PLCL1: variants seen among roughly 807,000 people sequenced by gnomAD.
PLCL1 encodes phospholipase C like 1 (inactive).
PLCL1 carries 41 observed loss-of-function variants against 84.4 expected under a neutral mutation model. The ratio of observed to expected loss-of-function variants is 0.49; its 90% CI spans 0.38 to 0.63. PLCL1 has a LOEUF of 0.63. PLCL1 is among the 30% of genes least tolerant of loss of function. The probability of loss-of-function intolerance (pLI) is 0.00; values close to 1 mark genes in which losing one functional copy is unlikely to be tolerated. For missense variants in PLCL1, 1,206 were observed against 1,367.8 expected, an observed-to-expected ratio of 0.88 and a Z score of 1.87; for synonymous variants, 490 against 488.3, an observed-to-expected ratio of 1.00 and a Z score of -0.05.
chr2:198,105,029 C>T (rs933106521), intron 5 of PLCL1, among the ~76,000 whole-genome samples: 1 of 151,826 alleles, frequency 6.6e-6, no homozygotes, highest in Non-Finnish European at 1.5e-5. Flanking sequence ...TAATTAGATC[C>T]CACTGTCAAT....
chr2:197,973,542 T>C (rs1374242692), intron 1 of PLCL1, among the ~76,000 whole-genome samples: 1 of 152,196 alleles, frequency 6.6e-6, no homozygotes, highest in Admixed American at 6.5e-5. Flanking sequence ...CTAATTAAAA[T>C]TGAGACAGAC....
At chr2:198,132,308 A>G (rs141158588) in intron 5 of PLCL1, among the ~76,000 whole-genome samples, 11 of 152,288 alleles carry the variant, frequency 7.2e-5, no homozygotes, top group Non-Finnish European at 1.3e-4. Flanking sequence ...CTTACCTTTT[A>G]GAGCAGGGCC....
chr2:197,820,103 C>T (rs924156998), intron 1 of PLCL1, among the ~76,000 whole-genome samples: 4 of 151,904 alleles, frequency 2.6e-5, no homozygotes, highest in Admixed American at 6.6e-5. Context: ...AAGCAACCAC[C>T]GTTTATTGAG....
chr2:198,059,236 A>G (rs889199210), intron 1 of PLCL1, among the ~76,000 whole-genome samples: 7 of 152,242 alleles, frequency 4.6e-5, no homozygotes, highest in Non-Finnish European at 1.0e-4. Flanking sequence ...AAAAGGGACA[A>G]CATGACCTGA....
chr2:197,888,959 CT>C (rs1355239852), intron 1 of PLCL1, among the ~76,000 whole-genome samples: 1 of 151,942 alleles, frequency 6.6e-6, no homozygotes, highest in Non-Finnish European at 1.5e-5. Context: ...ATCTTATTTC[CT>C]TTTTCAAAAT....
At position 197,850,053 on chromosome 2, in the gene PLCL1, C is replaced by G. The variant is rs867934736; in HGVS notation, c.240+44714C>G. 3.8e-3 allele frequency among the ~76,000 whole-genome samples: 581 copies of G among 151,272 alleles called. 8 individuals carry two copies. The South Asian group carries it at 0.041, about 11-fold the overall frequency. On this transcript the variant is annotated intron_variant, in intron 1 of 5. Coordinates refer to ENST00000428675, the MANE Select transcript of PLCL1 (RefSeq NM_006226.4). The stretch of plus-strand genomic sequence containing the variant: ...ACAGACACACACACACACACACACA[C>G]ACACACACACACACACACACACACA...
intron 1 of PLCL1, among the ~76,000 whole-genome samples, chr2:197,854,020 T>G (rs939941302): frequency 1.3e-5 from 2 of 152,156 alleles, no homozygotes; most frequent in African/African-American, 2.4e-5. Context: ...CCTTGGAAGC[T>G]TTGGGGACCC....
Position 197,805,153 on chromosome 2 carries a change from G to T in PLCL1, c.54G>T (p.Gly18=), listed in dbSNP as rs1184328187. The change falls in exon 1 of 6, where the codon GGG becomes GGT. Residue 18 remains glycine, a synonymous_variant. Transcript: ENST00000428675. This position sits in a 1 kb window ranked among gnomAD's most constrained non-coding sequence, Gnocchi z 4.0. ...REDPAPPDAA[G]GEDDPRVGPD... Reference sequence around the variant, plus strand: ...ATCCGGCGCCGCCCGACGCGGCGGGGGGCGAAGACGACCCCCGAGTGGGCC... The same window carrying T: ...ATCCGGCGCCGCCCGACGCGGCGGGTGGCGAAGACGACCCCCGAGTGGGCC... 2 of 1,308,112 alleles carry T rather than the reference G, an allele frequency of 1.5e-6. No homozygotes were observed. Among genetic ancestry groups the T allele is most frequent in the East Asian group, 3.1e-5 (1 of 31,870 alleles). The allele number at this position is 1,308,112 out of a possible 1,614,324, so 81.0% of individuals were successfully genotyped here. A position where few individuals can be genotyped will look rare whatever the true frequency, so the allele number is the denominator to read the frequency against.
In PLCL1 at chr2:198,038,861, GA is replaced by G. The variant is rs1466172957; in HGVS notation, c.241-44890del. ...TTAAAGGTCAAAAAAAAAAAAAAAA[GA>G]AAAAAAGAGTTCACTCAATTTTTTA... is the stretch of plus-strand genomic sequence containing the variant. On this transcript the variant is annotated intron_variant, in intron 1 of 5. Coordinates refer to ENST00000428675, the MANE Select transcript of PLCL1 (RefSeq NM_006226.4). Among the ~76,000 whole-genome samples, 5 of 126,782 alleles carry G rather than the reference GA, an allele frequency of 3.9e-5. No homozygotes were observed. In the East Asian group the frequency reaches 6.9e-4, roughly 18 times the overall value. The allele number at this position is 126,782 out of a possible 152,430, so 83.2% of individuals were successfully genotyped here.
intron 1 of PLCL1, among the ~76,000 whole-genome samples, chr2:198,018,870 C>A (rs976290547): frequency 1.3e-5 from 2 of 152,244 alleles, no homozygotes; most frequent in Non-Finnish European, 2.9e-5. Context: ...CAGCACAGTG[C>A]TCGAGCTCTG....
At chr2:198,106,376 T>TA (rs1231946594) in intron 5 of PLCL1, among the ~76,000 whole-genome samples, 1 of 151,926 alleles carries the variant, frequency 6.6e-6, no homozygotes, top group Non-Finnish European at 1.5e-5. Context: ...GCACTGGGAA[T>TA]ACGTGGAGAA....
chr2:198,090,051 G>A (rs1168968717), intron 3 of PLCL1, among the ~76,000 whole-genome samples: 1 of 152,032 alleles, frequency 6.6e-6, no homozygotes, highest in Non-Finnish European at 1.5e-5. Flanking sequence ...AAATGCTTAC[G>A]AGTTTGATCT....
intron 1 of PLCL1, among the ~76,000 whole-genome samples, chr2:197,951,257 G>A (rs947121968): frequency 1.3e-5 from 2 of 152,124 alleles, no homozygotes; most frequent in East Asian, 1.9e-4. Context: ...TGTCTGTGCA[G>A]CCCTTCCTCC....
chr2:197,880,588 G>A (rs985833287), intron 1 of PLCL1, among the ~76,000 whole-genome samples: 1 of 152,122 alleles, frequency 6.6e-6, no homozygotes, highest in African/African-American at 2.4e-5. Context: ...TAAGGAAAAA[G>A]GCAATCTACT....
intron 1 of PLCL1, among the ~76,000 whole-genome samples, chr2:197,963,154 C>T (rs745847499): frequency 6.6e-6 from 1 of 151,988 alleles, no homozygotes. Flanking sequence ...ACCTCCAAAC[C>T]GTTCTCCATA....
intron 1 of PLCL1, among the ~76,000 whole-genome samples, chr2:198,027,391 A>C (rs1691295358): frequency 6.6e-6 from 1 of 152,130 alleles, no homozygotes; most frequent in Non-Finnish European, 1.5e-5. Flanking sequence ...AAGGGCACAA[A>C]ATTTAGTTAG....
At chr2:197,902,519 A>G (rs1688287671) in intron 1 of PLCL1, among the ~76,000 whole-genome samples, 1 of 152,156 alleles carries the variant, frequency 6.6e-6, no homozygotes, top group South Asian at 2.1e-4. Flanking sequence ...TACAGGAAAA[A>G]GTTTGAGGAG....
intron 1 of PLCL1, among the ~76,000 whole-genome samples, chr2:197,942,721 G>T (rs1259276511): frequency 6.6e-6 from 1 of 152,204 alleles, no homozygotes; most frequent in Non-Finnish European, 1.5e-5. Flanking sequence ...AAAGGATAAG[G>T]TCAGAAGTAC....
chr2:197,862,174 A>T (rs964327411), intron 1 of PLCL1, among the ~76,000 whole-genome samples: 3 of 152,174 alleles, frequency 2.0e-5, no homozygotes, highest in East Asian at 3.9e-4. Flanking sequence ...CTGTTAAATG[A>T]TTATGAGAAT....
Sources: gnomAD v4.1 joint callset for allele counts (sites outside exome capture counted in the v4.1 genomes callset) on GRCh38, gnomAD v4.1.1 for gene constraint, Gnocchi (gnomAD v3.1) non-coding constraint, MANE v1.5 for transcripts, NCBI Gene and HGNC (gene_info 2026-07-23, HGNC 2026-07-21) for gene names.